Variants in DDX4 observed in about 807,000 individuals in gnomAD.
DDX4 encodes the protein probable ATP-dependent RNA helicase DDX4.
In DDX4, 25 loss-of-function variants were observed where a neutral mutation model predicts 100.0. The ratio of observed to expected loss-of-function variants is 0.25; its 90% CI spans 0.18 to 0.35. The LOEUF (loss-of-function observed/expected upper bound fraction) is 0.35, where lower values mean the gene tolerates loss of function less well. Ranked by LOEUF, DDX4 falls within the 10% of genes least tolerant of loss-of-function variation. The pLI, the probability that DDX4 is intolerant of heterozygous loss-of-function variation, is 1.00. For missense variants in DDX4, 635 were observed against 882.4 expected (o/e 0.72, Z 3.55); for synonymous variants, 259 against 275.7 (o/e 0.94, Z 0.60).
At chr5:55,789,569 C>T (rs560874168) in intron 15 of DDX4, among the ~76,000 whole-genome samples, 11 of 152,322 alleles carry the variant, frequency 7.2e-5, no homozygotes, top group African/African-American at 2.6e-4. Context: ...CACACATTGT[C>T]CTTCTGCCAC....
chr5:55,814,306 A>G (rs1470802716), intron 19 of DDX4, among the ~76,000 whole-genome samples: 2 of 152,240 alleles, frequency 1.3e-5, no homozygotes, highest in Non-Finnish European at 2.9e-5. Context: ...TAGAGATTAT[A>G]ATAGGATTTG....
chr5:55,741,288 T>C (rs974095629), intron 2 of DDX4, among the ~76,000 whole-genome samples: 1 of 152,222 alleles, frequency 6.6e-6, no homozygotes, highest in African/African-American at 2.4e-5. Context: ...TTTCTTCACA[T>C]TGGGAATACT....
intron 17 of DDX4, among the ~76,000 whole-genome samples, chr5:55,793,401 T>A (rs1013063442): frequency 1.2e-4 from 19 of 152,180 alleles, no homozygotes; most frequent in African/African-American, 3.9e-4. Context: ...ATTTTATGAT[T>A]TTTTTACTTT....
At chr5:55,746,967 C>T (rs536576481) in intron 3 of DDX4, among the ~76,000 whole-genome samples, 3 of 152,358 alleles carry the variant, frequency 2.0e-5, no homozygotes, top group African/African-American at 7.2e-5. Flanking sequence ...GACTCTGGCT[C>T]ATGCCTGTAA....
At chr5:55,812,806 T>G (rs1744191938) in intron 18 of DDX4, among the ~76,000 whole-genome samples, 1 of 151,952 alleles carries the variant, frequency 6.6e-6, no homozygotes, top group African/African-American at 2.4e-5. Context: ...TTTTCCTTTT[T>G]AGTACTAAAT....
At chr5:55,803,917 G>A (rs996924434) in intron 18 of DDX4, among the ~76,000 whole-genome samples, 1 of 152,098 alleles carries the variant, frequency 6.6e-6, no homozygotes, top group African/African-American at 2.4e-5. Context: ...CTTCCACAAT[G>A]ACTAGTTTAC....
At chr5:55,780,151 A>AT in intron 8 of DDX4, 86 bp downstream of exon 8, 4 of 1,541,938 alleles carry the variant, frequency 2.6e-6, no homozygotes, top group Non-Finnish European at 2.6e-6. Flanking sequence ...GAAGGTTGTT[A>AT]TGAGGATTAT....
intron 18 of DDX4, among the ~76,000 whole-genome samples, chr5:55,808,372 C>G (rs1484035399): frequency 6.6e-6 from 1 of 152,182 alleles, no homozygotes; most frequent in Non-Finnish European, 1.5e-5. Flanking sequence ...AGCTGCGTTC[C>G]TTTGGACGAG....
chr5:55,752,282 A>G (rs1446466408), intron 3 of DDX4, among the ~76,000 whole-genome samples: 1 of 148,430 alleles, frequency 6.7e-6, no homozygotes, highest in African/African-American at 2.5e-5. Flanking sequence ...CGCTGCACCC[A>G]CTAACTCGTC....
intron 7 of DDX4, among the ~76,000 whole-genome samples, chr5:55,769,410 A>G (rs1024273858): frequency 1.3e-5 from 2 of 152,110 alleles, no homozygotes; most frequent in African/African-American, 4.8e-5. Flanking sequence ...AACCCTGGCA[A>G]AAATCAGATG....
At chr5:55,745,632 C>T (rs999410643) in intron 2 of DDX4, among the ~76,000 whole-genome samples, 3 of 151,854 alleles carry the variant, frequency 2.0e-5, no homozygotes, top group Non-Finnish European at 4.4e-5. Flanking sequence ...CATGTTGCCC[C>T]GGCTGGTCTT....
intron 2 of DDX4, among the ~76,000 whole-genome samples, chr5:55,743,282 A>C (rs1048152962): frequency 1.1e-4 from 16 of 151,852 alleles, no homozygotes; most frequent in African/African-American, 3.9e-4. Flanking sequence ...TTCACATTGC[A>C]CCTCCTTTGT....
Position 55,760,198 on chromosome 5 carries a change from A to C in DDX4, c.128-2A>C. 1 of 1,571,482 alleles carries C rather than the reference A, an allele frequency of 6.4e-7. No individual in the cohort carries two copies. The highest frequency in any genetic ancestry group is 8.6e-7 in the Non-Finnish European group (1 of 1,163,730). ...CTTACTTCAAAATGTTGTTTGCTTT[A>C]GAAATGGATGATGGACCTTCTCGAA... On this transcript the variant is annotated splice_acceptor_variant, in intron 3 of 21. Coordinates refer to ENST00000505374, the MANE Select transcript of DDX4 (RefSeq NM_024415.3). LOFTEE classifies it high-confidence loss of function.
intron 3 of DDX4, among the ~76,000 whole-genome samples, chr5:55,752,248 A>C (rs901191763): frequency 2.0e-5 from 3 of 150,898 alleles, no homozygotes; most frequent in African/African-American, 7.3e-5. Context: ...TTAGTTACAT[A>C]TGTATACATG....
At chr5:55,794,281 G>T (rs112590949) in intron 17 of DDX4, among the ~76,000 whole-genome samples, 1 of 150,488 alleles carries the variant, frequency 6.6e-6, no homozygotes, top group Non-Finnish European at 1.5e-5. Flanking sequence ...TCAATCTCCC[G>T]GGTTCAAGCG....
rs199616068 is a variant in DDX4, at chr5:55,771,124, G to A, written c.394+3184G>A. Among the ~76,000 whole-genome samples the A allele has an allele frequency of 3.3e-5, 5 of 152,154 alleles. No homozygotes were observed. In the South Asian group the frequency reaches 6.2e-4, roughly 19 times the overall value. ...TATAGGGGTCACTCAGAAAATACAC[G>A]TGTGTATATATGTTTATATTAAAAT... On this transcript the variant is annotated intron_variant, in intron 7 of 21. Transcript: ENST00000505374.
At chr5:55,766,839 T>G (rs1740954106) in intron 6 of DDX4, 1 of 1,421,712 alleles carries the variant, frequency 7.0e-7, no homozygotes, top group African/African-American at 1.5e-5. Context: ...TGACTTTTTT[T>G]GGAATCTTCT....
chr5:55,774,340 TG>T (rs372002557), intron 7 of DDX4, among the ~76,000 whole-genome samples: 278 of 152,076 alleles, frequency 1.8e-3, no homozygotes, highest in African/African-American at 4.7e-3. Flanking sequence ...TTTGTAGGGA[TG>T]GGGTCTCACT....
intron 18 of DDX4, among the ~76,000 whole-genome samples, chr5:55,802,092 A>T (rs1270432915): frequency 6.6e-6 from 1 of 152,290 alleles, no homozygotes; most frequent in South Asian, 2.1e-4. Context: ...ATCTGGTCCT[A>T]CCTACCATTC....
Sources: allele counts gnomAD v4.1 joint callset (sites outside exome capture counted in the v4.1 genomes callset), GRCh38; gene constraint gnomAD v4.1.1; transcripts MANE v1.5; gene names NCBI Gene and HGNC (gene_info 2026-07-23, HGNC 2026-07-21).